TAFA2: variants seen among roughly 807,000 people sequenced by gnomAD.
The protein encoded by TAFA2 is TAFA chemokine like family member 2.
In TAFA2, 7 loss-of-function variants were observed where a neutral mutation model predicts 18.8. The observed-to-expected ratio is 0.37, with a 90% CI of 0.21 to 0.70. The LOEUF (loss-of-function observed/expected upper bound fraction) is 0.70, where lower values mean the gene tolerates loss of function less well. Among genes scored for constraint, TAFA2 ranks in the 30% least tolerant of loss-of-function variants. TAFA2 has a pLI of 0.53. For missense variants in TAFA2, 122 were observed against 158.1 expected (o/e 0.77, Z 1.23); for synonymous variants, 60 against 54.2 (o/e 1.11, Z -0.47).
intron 2 of TAFA2, among the ~76,000 whole-genome samples, chr12:61,784,825 C>G (rs1870660225): frequency 6.9e-6 from 1 of 145,826 alleles, no homozygotes; most frequent in Non-Finnish European, 1.5e-5. Flanking sequence ...ATTTTCTTTT[C>G]TTTTTTAATT....
chr12:61,818,829 G>A (rs1592409858), intron 2 of TAFA2, among the ~76,000 whole-genome samples: 1 of 152,210 alleles, frequency 6.6e-6, no homozygotes, highest in East Asian at 1.9e-4. Flanking sequence ...TTATTGAAAT[G>A]CCCATAAGCA....
At chr12:61,739,636 T>C (rs1338101103) in intron 4 of TAFA2, among the ~76,000 whole-genome samples, 2 of 152,082 alleles carry the variant, frequency 1.3e-5, no homozygotes, top group Non-Finnish European at 2.9e-5. Flanking sequence ...ATAATTTCCC[T>C]TATTCATAAG....
intron 1 of TAFA2, among the ~76,000 whole-genome samples, chr12:62,098,659 C>T (rs1202060655): frequency 2.6e-5 from 4 of 152,102 alleles, no homozygotes; most frequent in Admixed American, 2.6e-4. Context: ...GTTAAGCTAG[C>T]TTGAGTTGGA....
At chr12:62,084,844 T>G (rs368698506) in intron 1 of TAFA2, among the ~76,000 whole-genome samples, 236 of 152,308 alleles carry the variant, frequency 1.5e-3, no homozygotes, top group African/African-American at 5.5e-3. Flanking sequence ...TAGCGATATC[T>G]GGTAGAATAC....
chr12:61,922,451 C>T lies in TAFA2; in HGVS notation c.-1-55025G>A, dbSNP rs754932433. 2.0e-4 allele frequency among the ~76,000 whole-genome samples: 30 copies of T among 152,214 alleles called. 1 individual carries two copies. The highest frequency in any genetic ancestry group is 1.5e-3 in the East Asian group (8 of 5,172). ...AAAAGTGGGTGCAGCCTATGGAGGG[C>T]GAGCAGGAGCAGGGTAGGGTCACCT... is the stretch of plus-strand genomic sequence containing the variant. On this transcript the variant is annotated intron_variant, in intron 1 of 4. Transcript: ENST00000416284.
chr12:61,802,867 A>C (rs1012490302), intron 2 of TAFA2, among the ~76,000 whole-genome samples: 5 of 152,008 alleles, frequency 3.3e-5, no homozygotes, highest in African/African-American at 9.7e-5. Context: ...AAATATGTGC[A>C]ATTATTATAT....
At chr12:61,963,942 G>C (rs1385467704) in intron 1 of TAFA2, among the ~76,000 whole-genome samples, 1 of 151,988 alleles carries the variant, frequency 6.6e-6, no homozygotes, top group African/African-American at 2.4e-5. Context: ...ACAATCATCT[G>C]ATCTTTGACA....
intron 1 of TAFA2, among the ~76,000 whole-genome samples, chr12:62,154,643 CTAAG>C (rs2062355624): frequency 6.6e-6 from 1 of 151,358 alleles, no homozygotes; most frequent in South Asian, 2.1e-4. Context: ...TTTGAATGCA[CTAAG>C]TGTTATACCA....
intron 4 of TAFA2, among the ~76,000 whole-genome samples, chr12:61,732,728 A>ATTTT (rs146382537): frequency 7.2e-5 from 8 of 111,006 alleles, no homozygotes; most frequent in Non-Finnish European, 1.5e-4. Flanking sequence ...TGAGCAAGTG[A>ATTTT]TTTTTTGTGT....
At chr12:62,053,017 G>T (rs1442649002) in intron 1 of TAFA2, among the ~76,000 whole-genome samples, 2 of 150,790 alleles carry the variant, frequency 1.3e-5, no homozygotes, top group Non-Finnish European at 3.0e-5. Flanking sequence ...CGTTTTTATT[G>T]CACAGAAATT....
Position 61,912,678 on chromosome 12 carries a change from G to A in TAFA2, c.-1-45252C>T, listed in dbSNP as rs80346970. ...CACTTTGCTTACCACTGCCACCATC[G>A]TGTCAGCATCCAAAAGTGGAAACAC... On this transcript the variant is annotated intron_variant, in intron 1 of 4. Transcript: ENST00000416284. Among the ~76,000 whole-genome samples the A allele has an allele frequency of 3.0e-3, 455 of 152,248 alleles. 3 individuals carry two copies. Among genetic ancestry groups the A allele is most frequent in the African/African-American group, 0.01 (432 of 41,544 alleles).
At chr12:62,172,038 T>C (rs1000591317) in intron 1 of TAFA2, among the ~76,000 whole-genome samples, 1 of 152,182 alleles carries the variant, frequency 6.6e-6, no homozygotes, top group African/African-American at 2.4e-5. Context: ...ATAAATGTAT[T>C]TTTAGTATAA....
chr12:61,728,029 GTTGTTT>G (rs1247416002), intron 4 of TAFA2, among the ~76,000 whole-genome samples: 1 of 85,750 alleles, frequency 1.2e-5, no homozygotes, highest in Non-Finnish European at 2.3e-5. Flanking sequence ...ACTTTTGAGG[GTTGTTT>G]TTTTTTTTTT....
chr12:62,194,208 T>C (rs1201065958), upstream of TAFA2, among the ~76,000 whole-genome samples: 1 of 152,078 alleles, frequency 6.6e-6, no homozygotes, highest in Non-Finnish European at 1.5e-5. Context: ...TTCAATAGTG[T>C]GATGAAATTC....
chr12:62,123,772 C>CCATACACATACA (rs1870321724), intron 1 of TAFA2, among the ~76,000 whole-genome samples: 1 of 69,024 alleles, frequency 1.4e-5, no homozygotes, highest in Non-Finnish European at 3.1e-5. Context: ...ATCTCCCCCA[C>CCATACACATACA]CACACACATA....
At chr12:61,849,611 A>G (rs1279992985) in intron 2 of TAFA2, among the ~76,000 whole-genome samples, 5 of 152,210 alleles carry the variant, frequency 3.3e-5, no homozygotes, top group African/African-American at 9.6e-5. Flanking sequence ...ACTAGAAACT[A>G]CAGGAGACAC....
chr12:61,842,465 G>T (rs1304742881), intron 2 of TAFA2, among the ~76,000 whole-genome samples: 1 of 151,936 alleles, frequency 6.6e-6, no homozygotes, highest in African/African-American at 2.4e-5. Flanking sequence ...TCCAAGCAAT[G>T]AATTGTCTAA....
rs3031097 is a variant in TAFA2 at position 61,982,876 on chromosome 12, C to CAAAAAAAAAAAAAAA, written c.-1-115465_-1-115451dup. The stretch of plus-strand genomic sequence containing the variant: ...TATATTCCCACCAGCAAGTGGAAGG[C>CAAAAAAAAAAAAAAA]AAAAAAAAAAAAAAAAAAGTTACTT... On this transcript the variant is annotated intron_variant, in intron 1 of 4. Coordinates refer to ENST00000416284, the MANE Select transcript of TAFA2 (RefSeq NM_178539.5). Among the ~76,000 whole-genome samples, 113 of 101,586 alleles carry CAAAAAAAAAAAAAAA rather than the reference C, an allele frequency of 1.1e-3. 7 individuals carry two copies. The highest frequency in any genetic ancestry group is 1.6e-3 in the Non-Finnish European group (81 of 50,224). 66.6% of individuals were successfully genotyped at this position (101,586 alleles called of 152,430 possible). A position where few individuals can be genotyped will look rare whatever the true frequency, so the allele number is the denominator to read the frequency against.
chr12:61,939,730 G>T (rs373951183), intron 1 of TAFA2, among the ~76,000 whole-genome samples: 1 of 152,170 alleles, frequency 6.6e-6, no homozygotes, highest in African/African-American at 2.4e-5. Flanking sequence ...CAATACATTT[G>T]ATGGCTGCCT....
Sources: allele counts gnomAD v4.1 joint callset (sites outside exome capture counted in the v4.1 genomes callset), GRCh38; gene constraint gnomAD v4.1.1; transcripts MANE v1.5; gene names NCBI Gene and HGNC (gene_info 2026-07-23, HGNC 2026-07-21).